Variants in NRG3 observed in about 807,000 individuals in gnomAD.
The protein encoded by NRG3 is neuregulin 3.
In NRG3, 31 loss-of-function variants were observed where a neutral mutation model predicts 66.9. The ratio of observed to expected loss-of-function variants is 0.46; its 90% CI spans 0.35 to 0.63. NRG3 has a LOEUF of 0.63. Ranked by LOEUF, NRG3 falls within the 20% of genes least tolerant of loss-of-function variation. The pLI is 0.00. For missense variants in NRG3, 910 were observed against 878.9 expected (o/e 1.04, Z -0.45); for synonymous variants, 393 against 359.4 (o/e 1.09, Z -1.06).
chr10:82,102,141 T>TATATGTGTGTGTATTC (rs1461604489), intron 1 of NRG3, among the ~76,000 whole-genome samples: 1 of 39,266 alleles, frequency 2.5e-5, no homozygotes, highest in Admixed American at 2.5e-4. Flanking sequence ...TTCATATATA[T>TATATGTGTGTGTATTC]ATATATATAT....
At chr10:82,303,593 G>A (rs2080539433) in intron 1 of NRG3, among the ~76,000 whole-genome samples, 1 of 152,150 alleles carries the variant, frequency 6.6e-6, no homozygotes. Flanking sequence ...AAATGTGCTG[G>A]GCACGGTGGC....
intron 3 of NRG3, among the ~76,000 whole-genome samples, chr10:82,768,525 A>G (rs2059601307): frequency 6.6e-6 from 1 of 152,132 alleles, no homozygotes; most frequent in Non-Finnish European, 1.5e-5. Context: ...AGTTACCCCA[A>G]GAAATTTTAA....
intron 2 of NRG3, among the ~76,000 whole-genome samples, chr10:82,627,451 G>T (rs1178999416): frequency 6.6e-6 from 1 of 151,850 alleles, no homozygotes; most frequent in Non-Finnish European, 1.5e-5. Context: ...AATCACATCA[G>T]CTTATATTTT....
rs554310972 is a variant in NRG3 at position 82,275,178 on chromosome 10, T to C, written c.824-83561T>C. On this transcript the variant is annotated intron_variant, in intron 1 of 8. Coordinates refer to ENST00000372141, the MANE Select transcript of NRG3 (RefSeq NM_001010848.4). ...ATGATTTAAAAAGTATACTTGTACA[T>C]CTATTCTTTAGATTATCAATGTTGT... 2.9e-3 allele frequency among the ~76,000 whole-genome samples: 447 copies of C among 152,154 alleles called. 2 individuals carry two copies. The highest frequency in any genetic ancestry group is 4.6e-3 in the Non-Finnish European group (314 of 67,926).
chr10:82,290,077 C>T (rs566023174), intron 1 of NRG3, among the ~76,000 whole-genome samples: 24 of 152,318 alleles, frequency 1.6e-4, no homozygotes, highest in African/African-American at 5.5e-4. Flanking sequence ...ACTACAAACT[C>T]CCCCTTCCTC....
At chr10:82,320,153 G>C (rs1436482874) in intron 1 of NRG3, among the ~76,000 whole-genome samples, 1 of 152,138 alleles carries the variant, frequency 6.6e-6, no homozygotes, top group Non-Finnish European at 1.5e-5. Flanking sequence ...CTTCTGAGTA[G>C]CATGTTTGTA....
At chr10:82,218,862 T>A (rs1459771537) in intron 1 of NRG3, among the ~76,000 whole-genome samples, 1 of 152,086 alleles carries the variant, frequency 6.6e-6, no homozygotes, top group African/African-American at 2.4e-5. Context: ...AATGGAGAGT[T>A]AGACGAAGGA....
At chr10:82,645,652 A>T (rs2133844417) in intron 2 of NRG3, among the ~76,000 whole-genome samples, 1 of 152,308 alleles carries the variant, frequency 6.6e-6, no homozygotes, top group South Asian at 2.1e-4. Flanking sequence ...CCTTTAGGAT[A>T]TAAGAATATG....
At chr10:82,739,135 TTTTGGCAACACTA>T (rs1182635405) in intron 3 of NRG3, among the ~76,000 whole-genome samples, 5 of 152,202 alleles carry the variant, frequency 3.3e-5, no homozygotes, top group South Asian at 2.1e-4. Context: ...AAAACTCCAT[TTTTGGCAACACTA>T]TTTGCATATC....
At chr10:82,103,492 C>T (rs1255143613) in intron 1 of NRG3, among the ~76,000 whole-genome samples, 1 of 152,070 alleles carries the variant, frequency 6.6e-6, no homozygotes, top group Non-Finnish European at 1.5e-5. Flanking sequence ...TGTTTTAAAA[C>T]CTTTGTTACT....
At chr10:82,291,708 A>G (rs1391647867) in intron 1 of NRG3, among the ~76,000 whole-genome samples, 1 of 152,192 alleles carries the variant, frequency 6.6e-6, no homozygotes, top group Admixed American at 6.5e-5. Context: ...CAATGCATGC[A>G]GGATACAAGT....
intron 1 of NRG3, among the ~76,000 whole-genome samples, chr10:82,138,815 C>T (rs1451343633): frequency 1.3e-5 from 2 of 152,142 alleles, no homozygotes; most frequent in Non-Finnish European, 2.9e-5. Flanking sequence ...AAGCATCCAG[C>T]TTGGGAGACA....
chr10:82,806,484 G>A (rs1435358906), intron 3 of NRG3, among the ~76,000 whole-genome samples: 1 of 152,184 alleles, frequency 6.6e-6, no homozygotes, highest in Non-Finnish European at 1.5e-5. Context: ...ATGAGGTATT[G>A]GGTAATGAGC....
At chr10:81,942,829 A>G (rs1848513111) in intron 1 of NRG3, among the ~76,000 whole-genome samples, 2 of 152,334 alleles carry the variant, frequency 1.3e-5, no homozygotes, top group African/African-American at 4.8e-5. Flanking sequence ...GAATTCAGCT[A>G]TGATATAATT....
At chr10:81,938,694 C>T (rs778047820) in intron 1 of NRG3, among the ~76,000 whole-genome samples, 15 of 150,922 alleles carry the variant, frequency 9.9e-5, no homozygotes, top group Non-Finnish European at 2.1e-4. Context: ...AAAATCATGC[C>T]ATCTGTGAAC....
chr10:81,930,305 C>T (rs1847216097), intron 1 of NRG3, among the ~76,000 whole-genome samples: 1 of 152,152 alleles, frequency 6.6e-6, no homozygotes, highest in African/African-American at 2.4e-5. Flanking sequence ...CTGCAAATCC[C>T]TGAGCTTCCC....
At chr10:81,880,264 C>T (rs987500972) in intron 1 of NRG3, among the ~76,000 whole-genome samples, 3 of 151,984 alleles carry the variant, frequency 2.0e-5, no homozygotes, top group African/African-American at 7.3e-5. Flanking sequence ...TAAGACAATG[C>T]GGTTTAAGCA....
intron 2 of NRG3, among the ~76,000 whole-genome samples, chr10:82,624,551 G>A (rs1224382715): frequency 1.3e-5 from 2 of 151,754 alleles, no homozygotes; most frequent in Non-Finnish European, 2.9e-5. Flanking sequence ...TTATGAAACT[G>A]GAAACGTAAA....
intron 2 of NRG3, among the ~76,000 whole-genome samples, chr10:82,381,775 G>C (rs1267286113): frequency 6.6e-6 from 1 of 152,128 alleles, no homozygotes; most frequent in East Asian, 1.9e-4. Flanking sequence ...ACAAGCATAA[G>C]CTGGGACTGT....
Sources: gnomAD v4.1 joint callset for allele counts (sites outside exome capture counted in the v4.1 genomes callset) on GRCh38, gnomAD v4.1.1 for gene constraint, MANE v1.5 for transcripts, NCBI Gene and HGNC (gene_info 2026-07-23, HGNC 2026-07-21) for gene names.